Variants in GPATCH8 observed in about 807,000 individuals in gnomAD.
GPATCH8 encodes the protein G patch domain-containing protein 8.
GPATCH8 carries 18 observed loss-of-function variants against 118.3 expected under a neutral mutation model. That is an observed-to-expected ratio of 0.15 (90% CI 0.11 to 0.23). The LOEUF (loss-of-function observed/expected upper bound fraction) is 0.23, where lower values mean the gene tolerates loss of function less well. GPATCH8 is among the 10% of genes least tolerant of loss of function. The pLI is 1.00. For synonymous variants in GPATCH8, 659 were observed against 684.7 expected (o/e 0.96, Z 0.59); for missense variants, 1,631 against 1,873.8 (o/e 0.87, Z 2.39).
chr17:44,476,524 C>T (rs962572136), intron 1 of GPATCH8, among the ~76,000 whole-genome samples: 4 of 152,050 alleles, frequency 2.6e-5, no homozygotes, highest in Admixed American at 6.6e-5. Flanking sequence ...TTTTTATATG[C>T]AATATTGCAT....
In GPATCH8 at chr17:44,397,712, G is replaced by A. The variant is rs2048829061; in HGVS notation, c.4365C>T (p.His1455=). ...SAIHPGPFTF[H]PVPHAALYPT... ...GGTAGAGGGCAGCATGTGGGACAGG[G>A]TGAAAGGTGAAGGGCCCAGGATGGA... is the stretch of plus-strand genomic sequence containing the variant. Residue 1455 remains histidine (H), a synonymous_variant, in exon 8 of 8, where the codon CAC becomes CAT. Coordinates refer to ENST00000591680, the MANE Select transcript of GPATCH8 (RefSeq NM_001002909.4). 1.9e-6 allele frequency: 3 copies of A among 1,608,384 alleles called. No homozygotes were observed. The highest frequency in any genetic ancestry group is 1.3e-5 in the African/African-American group (1 of 74,842).
intron 1 of GPATCH8, among the ~76,000 whole-genome samples, chr17:44,492,000 A>T (rs1969283749): frequency 6.6e-6 from 1 of 152,130 alleles, no homozygotes; most frequent in Non-Finnish European, 1.5e-5. Flanking sequence ...AGTATACTTA[A>T]AATTTATTTC....
chr17:44,483,177 ATATATATATATATATATAT>A lies in GPATCH8; in HGVS notation c.46-8293_46-8275del, dbSNP rs1302876147. 2.4e-3 allele frequency among the ~76,000 whole-genome samples: 17 copies of A among 6,968 alleles called. 3 individuals carry two copies. Among genetic ancestry groups the A allele is most frequent in the African/African-American group, 5.5e-3 (11 of 1,998 alleles). 4.6% of individuals were successfully genotyped at this position (6,968 alleles called of 152,430 possible). The stretch of plus-strand genomic sequence containing the variant: ...CTCAAAAAAAAAAAAAAAAAAAAAA[ATATATATATATATATATAT>A]ATATATATATATATATATATACAGC... On this transcript the variant is annotated intron_variant, in intron 1 of 7. Transcript: ENST00000591680.
In GPATCH8 at chr17:44,398,665, A is replaced by G; in HGVS notation, c.3412T>C (p.Ser1138Pro). The G allele has an allele frequency of 1.3e-6, 2 of 1,567,024 alleles. No homozygotes were observed. Among genetic ancestry groups the G allele is most frequent in the South Asian group, 2.4e-5 (2 of 82,042 alleles). The stretch of plus-strand genomic sequence containing the variant: ...GGAAGGACAGGCTTATTGCCAAGAG[A>G]TGGGGGGAGCTTGGGCCCAAAGTAA... Reference protein sequence around the residue: ...QGYFGPKLPPSLGNKPVLPLI... With the variant: ...QGYFGPKLPPPLGNKPVLPLI... Residue 1138 changes from serine (S) to proline (P), a missense_variant, in exon 8 of 8, where the codon TCT (serine) becomes CCT (proline). Transcript: ENST00000591680.
Position 44,424,272 on chromosome 17 carries a change from G to C in GPATCH8, c.492+77C>G, listed in dbSNP as rs1598453780. 4.1e-6 allele frequency: 4 copies of C among 975,522 alleles called. No homozygotes were observed. The East Asian group carries it at 9.5e-5, about 23-fold the overall frequency. The allele number at this position is 975,522 out of a possible 1,614,324, so 60.4% of individuals were successfully genotyped here. A position where few individuals can be genotyped will look rare whatever the true frequency, so the allele number is the denominator to read the frequency against. ...AAGAAATCATAGACACCAAGTTTTG[G>C]GGGGTATACTCATAAAATCCAATTG... On this transcript the variant is annotated intron_variant, in intron 6 of 7. Coordinates refer to ENST00000591680, the MANE Select transcript of GPATCH8 (RefSeq NM_001002909.4).
chr17:44,425,892 G>T (rs1307977902), intron 5 of GPATCH8, among the ~76,000 whole-genome samples: 1 of 151,976 alleles, frequency 6.6e-6, no homozygotes, highest in Admixed American at 6.6e-5. Flanking sequence ...AAACAGCTTT[G>T]ATTTTCTTCT....
chr17:44,449,226 G>A (rs530843619), intron 3 of GPATCH8, among the ~76,000 whole-genome samples: 5 of 152,228 alleles, frequency 3.3e-5, no homozygotes, highest in African/African-American at 7.2e-5. Context: ...GCAGTGAGCC[G>A]AGATCGCACC....
At chr17:44,458,068 G>A (rs2051402291) in intron 3 of GPATCH8, among the ~76,000 whole-genome samples, 1 of 149,244 alleles carries the variant, frequency 6.7e-6, no homozygotes, top group Admixed American at 6.7e-5. Flanking sequence ...CAGCCTGGGC[G>A]ATGGAGCGAG....
At chr17:44,436,188 G>A (rs956808064) in intron 4 of GPATCH8, among the ~76,000 whole-genome samples, 10 of 152,084 alleles carry the variant, frequency 6.6e-5, no homozygotes, top group Admixed American at 6.6e-4. Flanking sequence ...ACTGCCTACT[G>A]AAGCAAGTAC....
Position 44,406,499 on chromosome 17 carries a change from G to GC in GPATCH8, c.493-449_493-448insG, listed in dbSNP as rs1039448534. Among the ~76,000 whole-genome samples, 160 of 131,370 alleles carry GC rather than the reference G, an allele frequency of 1.2e-3. 20 individuals carry two copies. The highest frequency in any genetic ancestry group is 4.2e-3 in the African/African-American group (146 of 34,862). The allele number at this position is 131,370 out of a possible 152,430, so 86.2% of individuals were successfully genotyped here. A position where few individuals can be genotyped will look rare whatever the true frequency, so the allele number is the denominator to read the frequency against. Reference sequence around the variant, plus strand: ...GAAAAGCAATGTACAGCTTACATGGGGGGGGGGGGTTATTTAAATTAGAAC... The same window carrying GC: ...GAAAAGCAATGTACAGCTTACATGGGCGGGGGGGGGTTATTTAAATTAGAAC... On this transcript the variant is annotated intron_variant, in intron 6 of 7. Coordinates refer to ENST00000591680, the MANE Select transcript of GPATCH8 (RefSeq NM_001002909.4).
intron 3 of GPATCH8, among the ~76,000 whole-genome samples, chr17:44,441,313 A>C (rs541447738): frequency 1.3e-5 from 2 of 152,374 alleles, no homozygotes; most frequent in East Asian, 3.9e-4. Flanking sequence ...ACAGTGATTA[A>C]AACACTGGTT....
chr17:44,450,022 G>C (rs561618116), intron 3 of GPATCH8, among the ~76,000 whole-genome samples: 97 of 152,154 alleles, frequency 6.4e-4, no homozygotes, highest in African/African-American at 2.3e-3. Flanking sequence ...GAAATATATA[G>C]GTATATAAAA....
intron 3 of GPATCH8, among the ~76,000 whole-genome samples, chr17:44,462,840 G>A (rs998246746): frequency 6.6e-6 from 1 of 152,024 alleles, no homozygotes; most frequent in Non-Finnish European, 1.5e-5. Context: ...AATTAGCTGG[G>A]CGTGGTGGCA....
rs79829646 is a variant in GPATCH8 at position 44,490,085 on chromosome 17, C to T, written c.45+13241G>A. ...TGGGAAGCCAAGTGGATCTCTTGAG[C>T]CCAGGAGTTCAAGACCAGCTGGGGA... On this transcript the variant is annotated intron_variant, in intron 1 of 7. Transcript: ENST00000591680. Among the ~76,000 whole-genome samples the T allele has an allele frequency of 9.9e-3, 1,499 of 152,150 alleles. 18 individuals are homozygous for T. Among genetic ancestry groups the T allele is most frequent in the African/African-American group, 0.034 (1,420 of 41,498 alleles).
intron 1 of GPATCH8, among the ~76,000 whole-genome samples, chr17:44,493,342 C>T (rs140615896): frequency 0.012 from 1,857 of 152,124 alleles, 33 homozygotes; most frequent in African/African-American, 0.037. Context: ...ATTACAGGCA[C>T]GAGCCCCCAC....
At chr17:44,410,322 T>A (rs946394215) in intron 6 of GPATCH8, among the ~76,000 whole-genome samples, 5 of 152,196 alleles carry the variant, frequency 3.3e-5, no homozygotes, top group Admixed American at 2.6e-4. Context: ...TAGAGAAACA[T>A]GCCTGCCTAT....
At chr17:44,428,671 C>T (rs2050178299) in intron 5 of GPATCH8, among the ~76,000 whole-genome samples, 1 of 151,846 alleles carries the variant, frequency 6.6e-6, no homozygotes, top group Non-Finnish European at 1.5e-5. Context: ...GGTGTGGTGG[C>T]ATGCACCTGT....
intron 5 of GPATCH8, among the ~76,000 whole-genome samples, chr17:44,433,578 T>C (rs978695706): frequency 1.3e-5 from 2 of 152,158 alleles, no homozygotes; most frequent in Admixed American, 1.3e-4. Context: ...AATGAGGTAA[T>C]ATTTAAGCTA....
chr17:44,419,430 C>T (rs1257550393), intron 6 of GPATCH8, among the ~76,000 whole-genome samples: 1 of 152,098 alleles, frequency 6.6e-6, no homozygotes, highest in East Asian at 1.9e-4. Context: ...GTCCTTCCTC[C>T]TGTTAGGGGT....
Sources: gnomAD v4.1 joint callset for allele counts (sites outside exome capture counted in the v4.1 genomes callset) on GRCh38, gnomAD v4.1.1 for gene constraint, MANE v1.5 for transcripts, NCBI Gene and HGNC (gene_info 2026-07-23, HGNC 2026-07-21) for gene names.